Variants in RBM6 observed in about 807,000 individuals in gnomAD.
RBM6 encodes the protein RNA binding motif protein 6, also known as RNA-binding protein 6.
RBM6 carries 23 observed loss-of-function variants against 140.4 expected under a neutral mutation model. The ratio of observed to expected loss-of-function variants is 0.16; its 90% CI spans 0.12 to 0.23. RBM6 has a LOEUF of 0.23. RBM6 is among the 10% of genes least tolerant of loss of function. The probability of loss-of-function intolerance (pLI) is 1.00; values close to 1 mark genes in which losing one functional copy is unlikely to be tolerated. For synonymous variants in RBM6, 439 were observed against 475.6 expected (o/e 0.92, Z 1.00); for missense variants, 1,139 against 1,386.7 (o/e 0.82, Z 2.84).
intron 6 of RBM6, among the ~76,000 whole-genome samples, chr3:50,020,194 G>A (rs1291429800): frequency 6.6e-6 from 1 of 152,050 alleles, no homozygotes; most frequent in Non-Finnish European, 1.5e-5. Context: ...CAATTTGTTT[G>A]GATTACAGGT....
chr3:50,051,711 C>G (rs2089475755), intron 7 of RBM6, among the ~76,000 whole-genome samples: 1 of 152,160 alleles, frequency 6.6e-6, no homozygotes, highest in African/African-American at 2.4e-5. Context: ...AAAACAAATG[C>G]TAATGGCGGT....
chr3:49,969,266 G>A (rs1298173489), intron 3 of RBM6, among the ~76,000 whole-genome samples: 14 of 147,404 alleles, frequency 9.5e-5, no homozygotes, highest in African/African-American at 1.5e-4. Context: ...CTCGTGATCC[G>A]CCCACCTCGG....
At chr3:49,992,758 C>A (rs2085884310) in intron 5 of RBM6, among the ~76,000 whole-genome samples, 1 of 152,176 alleles carries the variant, frequency 6.6e-6, no homozygotes, top group Admixed American at 6.5e-5. Context: ...GAAAGAAGAT[C>A]ACAGTCCCTC....
At chr3:49,999,659 A>G (rs923295494) in intron 6 of RBM6, 146 bp downstream of exon 6, 1 of 708,196 alleles carries the variant, frequency 1.4e-6, no homozygotes, top group Non-Finnish European at 2.4e-6. Context: ...TTGTGAGGAA[A>G]ATCTTTAAAA....
chr3:49,957,941 C>T (rs988582335), intron 1 of RBM6, among the ~76,000 whole-genome samples: 1 of 151,080 alleles, frequency 6.6e-6, no homozygotes, highest in Non-Finnish European at 1.5e-5. Flanking sequence ...AAAAGATTTT[C>T]TTGCCTCAGG....
chr3:50,064,121 C>T lies in RBM6; in HGVS notation c.2587-910C>T, dbSNP rs577429950. 5.3e-5 allele frequency among the ~76,000 whole-genome samples: 8 copies of T among 151,834 alleles called. No homozygotes were observed. In the East Asian group the frequency reaches 7.9e-4, roughly 15 times the overall value. ...CTAATTTTTGTATTTTTAGTAGAGACGCGGTTTCACCATGTTGGTCAAGCT... is the reference window on the plus strand; with the variant it reads ...CTAATTTTTGTATTTTTAGTAGAGATGCGGTTTCACCATGTTGGTCAAGCT... On this transcript the variant is annotated intron_variant, in intron 15 of 20. Transcript: ENST00000266022.
At chr3:49,990,578 TAATA>T (rs1163904747) in intron 5 of RBM6, among the ~76,000 whole-genome samples, 1 of 152,256 alleles carries the variant, frequency 6.6e-6, no homozygotes, top group African/African-American at 2.4e-5. Flanking sequence ...GCCTCTGTAT[TAATA>T]AAGAGCACTA....
At chr3:49,996,030 TC>T (rs1168486353) in intron 5 of RBM6, among the ~76,000 whole-genome samples, 2 of 152,084 alleles carry the variant, frequency 1.3e-5, no homozygotes, top group Non-Finnish European at 2.9e-5. Flanking sequence ...TTGAACTGTA[TC>T]CCCCTCCCCA....
intron 6 of RBM6, among the ~76,000 whole-genome samples, chr3:50,023,565 C>T (rs117765734): frequency 6.6e-6 from 1 of 151,240 alleles, no homozygotes; most frequent in East Asian, 1.9e-4. Flanking sequence ...TTACAGAGGT[C>T]TAGTAGAATA....
At chr3:50,035,614 G>A (rs1033600041) in intron 6 of RBM6, among the ~76,000 whole-genome samples, 6 of 151,884 alleles carry the variant, frequency 4.0e-5, no homozygotes, top group Admixed American at 6.6e-5. Flanking sequence ...CCTGGGAAGC[G>A]GAGCTTGCAG....
rs2087190721 is a variant in RBM6 at position 50,016,877 on chromosome 3, G to A, written c.1557+17364G>A. On this transcript the variant is annotated intron_variant, in intron 6 of 20. Transcript: ENST00000266022. ...GTCTCGCTGTGTTGCCCAGGCTGGA[G>A]TGCAGTGGTATGACCTCGGCTTACT... Among the ~76,000 whole-genome samples, 4 of 149,344 alleles carry A rather than the reference G, an allele frequency of 2.7e-5. No individual in the cohort carries two copies. In the South Asian group the frequency reaches 8.4e-4, roughly 31 times the overall value.
At chr3:50,026,661 T>C (rs1172485655) in intron 6 of RBM6, among the ~76,000 whole-genome samples, 1 of 149,200 alleles carries the variant, frequency 6.7e-6, no homozygotes, top group Non-Finnish European at 1.5e-5. Flanking sequence ...AAAAAAAATA[T>C]AGGACTTTGG....
chr3:50,018,581 GTTTTTTTTTTTTTTT>G (rs58115280), intron 6 of RBM6, among the ~76,000 whole-genome samples: 8 of 63,556 alleles, frequency 1.3e-4, no homozygotes, highest in Admixed American at 2.3e-4. Context: ...GTAGGAGTGT[GTTTTTTTTTTTTTTT>G]TTTTTTTTTT....
intron 1 of RBM6, among the ~76,000 whole-genome samples, chr3:49,956,661 ATTAT>A (rs985726731): frequency 1.2e-4 from 15 of 121,974 alleles, no homozygotes; most frequent in African/African-American, 3.7e-4. Context: ...TTTATTTTTT[ATTAT>A]TTATTTATTT....
At chr3:50,008,462 C>T (rs925552288) in intron 6 of RBM6, among the ~76,000 whole-genome samples, 1 of 151,366 alleles carries the variant, frequency 6.6e-6, no homozygotes, top group African/African-American at 2.4e-5. Context: ...TGGTTTATGA[C>T]CTTATGTATG....
At chr3:50,022,004 T>C (rs974734909) in intron 6 of RBM6, among the ~76,000 whole-genome samples, 1 of 150,264 alleles carries the variant, frequency 6.7e-6, no homozygotes, top group Non-Finnish European at 1.5e-5. Flanking sequence ...GACTGACCCA[T>C]GACCATGCCA....
chr3:50,022,060 GA>G (rs539729046), intron 6 of RBM6, among the ~76,000 whole-genome samples: 1 of 150,824 alleles, frequency 6.6e-6, no homozygotes, highest in Non-Finnish European at 1.5e-5. Context: ...TCTCAAAAAG[GA>G]AAAAAAAGAA....
In RBM6 at chr3:49,972,063, A is replaced by C; in HGVS notation, c.1328A>C (p.Gln443Pro). The C allele has an allele frequency of 1.2e-6, 2 of 1,606,862 alleles. No individual in the cohort carries two copies. The highest frequency in any genetic ancestry group is 3.4e-5 in the Admixed American group (2 of 59,592). The part of the protein sequence containing the change: ...ARDAQRDLQD[Q>P]DYRTGPSEEK... The stretch of plus-strand genomic sequence containing the variant: ...ATTTTTCATTCTCAATTTAAGGATC[A>C]AGATTATAGGACCGGCCCAAGTGAG... The change falls in exon 4 of 21, where the codon CAA becomes CCA. Residue 443 changes from glutamine to proline, a missense_variant. Physicochemically the swap from Gln to Pro is moderately conservative, Grantham distance 76 (BLOSUM62 -1). Coordinates refer to ENST00000266022, the MANE Select transcript of RBM6 (RefSeq NM_005777.3).
chr3:49,992,359 A>G (rs2085866792), intron 5 of RBM6, among the ~76,000 whole-genome samples: 1 of 152,212 alleles, frequency 6.6e-6, no homozygotes, highest in Admixed American at 6.5e-5. Context: ...CAAAATAAAA[A>G]TAGCCATGTA....
Sources: gnomAD v4.1 joint callset for allele counts (sites outside exome capture counted in the v4.1 genomes callset) on GRCh38, gnomAD v4.1.1 for gene constraint, MANE v1.5 for transcripts, NCBI Gene and HGNC (gene_info 2026-07-23, HGNC 2026-07-21) for gene names.